The following GTPBP1 variants were observed in gnomAD, a reference collection of about 807,000 sequenced individuals.
The protein encoded by GTPBP1 is GTP binding protein 1, also known as GTP-binding protein 1.
Under a neutral mutation model 62.0 loss-of-function variants are expected in GTPBP1, and 23 were observed. The ratio of observed to expected loss-of-function variants is 0.37; its 90% confidence interval spans 0.27 to 0.53. The LOEUF (loss-of-function observed/expected upper bound fraction) is 0.53. GTPBP1 is among the 20% of genes least tolerant of loss of function. GTPBP1 has a pLI of 0.89. For synonymous variants in GTPBP1, 344 were observed against 364.4 expected (o/e 0.94, Z 0.64); for missense variants, 640 against 917.3 (o/e 0.70, Z 3.90).
downstream of GTPBP1, chr22:38,736,051 C>T: frequency 1.6e-6 from 1 of 609,858 alleles, no homozygotes; most frequent in Non-Finnish European, 3.0e-6. Flanking sequence ...ACGCCACGGG[C>T]ACAGAGGGAA....
downstream of GTPBP1, chr22:38,741,045 G>C: frequency 6.3e-7 from 1 of 1,596,946 alleles, no homozygotes; most frequent in Non-Finnish European, 8.5e-7. Flanking sequence ...TGCGAGCCTC[G>C]GACTCCTGTG....
Position 38,706,132 on chromosome 22 carries a change from G to A in GTPBP1, c.177G>A (p.Leu59=), listed in dbSNP as rs1465389933. 7.8e-7 allele frequency: 1 copy of A among 1,274,586 alleles called. No individual in the cohort carries two copies. Among genetic ancestry groups the A allele is most frequent in the South Asian group, 2.4e-5 (1 of 40,920 alleles). The allele number at this position is 1,274,586 out of a possible 1,614,324, so 79.0% of individuals were successfully genotyped here. ...AGGCGCTCAACGGCGAGCCAGAGCTGGACCTCACCAGCAAGGTAGGCCCGG... is the reference window on the plus strand; with the variant it reads ...AGGCGCTCAACGGCGAGCCAGAGCTAGACCTCACCAGCAAGGTAGGCCCGG... ...DGEALNGEPE[L]DLTSKLVLVS... is the part of the protein sequence containing the mutation. Residue 59 remains leucine, a synonymous_variant, in exon 1 of 12, where the codon CTG becomes CTA. Transcript: ENST00000216044.
At position 38,715,084 on chromosome 22, in the gene GTPBP1, G is replaced by A. The variant is rs542550141; in HGVS notation, c.305-823G>A. 7.9e-5 allele frequency among the ~76,000 whole-genome samples: 12 copies of A among 152,062 alleles called. No individual in the cohort carries two copies. In the East Asian group the frequency reaches 1.2e-3, roughly 15 times the overall value. ...CCCCATTTTCCTCCATCTTTCTGTC[G>A]TCATTATCTCTTGCCTGCATTATTA... On this transcript the variant is annotated intron_variant, in intron 2 of 11. Coordinates refer to ENST00000216044, the MANE Select transcript of GTPBP1 (RefSeq NM_004286.5).
chr22:38,705,972 G>T lies in GTPBP1; in HGVS notation c.17G>T (p.Ser6Ile), dbSNP rs1397373317. 3 of 1,446,850 alleles carry T rather than the reference G, an allele frequency of 2.1e-6. No individual in the cohort carries two copies. Among genetic ancestry groups the T allele is most frequent in the Non-Finnish European group, 2.7e-6 (3 of 1,097,068 alleles). The allele number at this position is 1,446,850 out of a possible 1,614,324, so 89.6% of individuals were successfully genotyped here. ...TTATTAAAGATGGCGACGGAGCGCAGTCGCTCCGCGATGGACTCGCCGGTC... is the reference window on the plus strand; with the variant it reads ...TTATTAAAGATGGCGACGGAGCGCATTCGCTCCGCGATGGACTCGCCGGTC... MATER[S>I]RSAMDSPVPA... Residue 6 changes from serine (S) to isoleucine (I), a missense_variant, in exon 1 of 12, where the codon AGT (serine) becomes ATT (isoleucine). By Grantham distance (142) the Ser-to-Ile change is moderately radical. Transcript: ENST00000216044.
downstream of GTPBP1, chr22:38,739,712 TG>T: frequency 6.2e-7 from 1 of 1,612,258 alleles, no homozygotes; most frequent in Non-Finnish European, 8.5e-7. This position sits in a 1 kb window ranked among gnomAD's most constrained non-coding sequence, Gnocchi z 6.7. Flanking sequence ...GAGGGGCATG[TG>T]GGCCTCACCT....
At chr22:38,723,863 A>T (rs747640598) in intron 5 of GTPBP1, among the ~76,000 whole-genome samples, 3 of 152,252 alleles carry the variant, frequency 2.0e-5, no homozygotes, top group African/African-American at 4.8e-5. Flanking sequence ...ATTGTAGAAA[A>T]GTATCCCTTT....
Position 38,730,750 on chromosome 22 carries a change from G to T in GTPBP1, c.*46G>T. On this transcript the variant is annotated 3_prime_UTR_variant, in exon 12 of 12. Coordinates refer to ENST00000216044, the MANE Select transcript of GTPBP1 (RefSeq NM_004286.5). The surrounding 1 kb of genome is among the most constrained non-coding windows in gnomAD (Gnocchi z 5.6). ...CACCACCCAAGGGGTCATCATCTCT[G>T]GCCACCACTCCACCAGATGGGCAGA... is the stretch of plus-strand genomic sequence containing the variant. The T allele has an allele frequency of 9.6e-7, 1 of 1,042,180 alleles. No homozygotes were observed. The highest frequency in any genetic ancestry group is 1.5e-5 in the South Asian group (1 of 66,908). The allele number at this position is 1,042,180 out of a possible 1,614,324, so 64.6% of individuals were successfully genotyped here.
Position 38,716,324 on chromosome 22 carries a change from T to C in GTPBP1, c.485+237T>C. On this transcript the variant is annotated intron_variant, in intron 3 of 11. Transcript: ENST00000216044. This position sits in a 1 kb window ranked among gnomAD's most constrained non-coding sequence, Gnocchi z 5.2. ...CCATTCTCTGTGGGTGTGTTTCTTT[T>C]CCCTTCAGCCTGTGAGCCTGGAAAC... The C allele has an allele frequency of 8.5e-6, 5 of 585,834 alleles. No individual in the cohort carries two copies. The South Asian group carries it at 1.1e-4, about 12-fold the overall frequency. 36.3% of individuals were successfully genotyped at this position (585,834 alleles called of 1,614,324 possible). A position where few individuals can be genotyped will look rare whatever the true frequency, so the allele number is the denominator to read the frequency against.
downstream of GTPBP1, chr22:38,740,988 A>T: frequency 6.3e-7 from 1 of 1,584,964 alleles, no homozygotes; most frequent in Non-Finnish European, 8.6e-7. The surrounding 1 kb of genome is among the most constrained non-coding windows in gnomAD (Gnocchi z 4.8). Flanking sequence ...GGCCGAGGCC[A>T]GCTGGTGGCG....
chr22:38,715,901 C>T lies in GTPBP1; in HGVS notation c.305-6C>T. The T allele has an allele frequency of 1.3e-6, 2 of 1,599,356 alleles. No individual in the cohort carries two copies. The highest frequency in any genetic ancestry group is 1.7e-6 in the Non-Finnish European group (2 of 1,172,492). On this transcript the variant is annotated splice_region_variant and splice_polypyrimidine_tract_variant and intron_variant, in intron 2 of 11. Coordinates refer to ENST00000216044, the MANE Select transcript of GTPBP1 (RefSeq NM_004286.5). Reference sequence around the variant, plus strand: ...CTCCTGCTGATGTCTGGGCTCTTGTCACCAGATGGGACTGAGTATGGGCTG... The same window carrying T: ...CTCCTGCTGATGTCTGGGCTCTTGTTACCAGATGGGACTGAGTATGGGCTG...
At position 38,716,069 on chromosome 22, in the gene GTPBP1, A is replaced by G. The variant is rs759283436; in HGVS notation, c.467A>G (p.Asn156Ser). The change falls in exon 3 of 12, where the codon AAT (asparagine) becomes AGT (serine). Residue 156 changes from asparagine to serine, a missense_variant. Physicochemically the swap from Asn to Ser is conservative, Grantham distance 46 (BLOSUM62 1). Transcript: ENST00000216044. The surrounding 1 kb of genome is among the most constrained non-coding windows in gnomAD (Gnocchi z 5.2). ...DYLVRKRVGD[N>S]DFLEVRVAVV... ...CTGGTCCGGAAACGAGTAGGAGACA[A>G]TGACTTCCTGGAGGTCAGGTGAGGA... The G allele has an allele frequency of 6.2e-6, 10 of 1,602,798 alleles. No individual in the cohort carries two copies. Among genetic ancestry groups the G allele is most frequent in the South Asian group, 1.1e-5 (1 of 90,070 alleles).
intron 5 of GTPBP1, among the ~76,000 whole-genome samples, chr22:38,722,171 T>A (rs906190188): frequency 3.3e-5 from 5 of 152,148 alleles, no homozygotes; most frequent in African/African-American, 7.2e-5. Flanking sequence ...ATAAGTAAAA[T>A]GACTAGGTAA....
chr22:38,719,857 T>C (rs1334276288), intron 4 of GTPBP1, among the ~76,000 whole-genome samples: 2 of 152,032 alleles, frequency 1.3e-5, no homozygotes, highest in Non-Finnish European at 2.9e-5. Flanking sequence ...TTCCCAAATA[T>C]CTTTCAGCTG....
chr22:38,717,146 C>T, intron 4 of GTPBP1, 146 bp downstream of exon 4: 1 of 607,924 alleles, frequency 1.6e-6, no homozygotes, highest in South Asian at 1.9e-5. Flanking sequence ...GCAGGGGTGC[C>T]CAGTCCTCTG....
At chr22:38,707,244 A>C (rs1053620980) in intron 1 of GTPBP1, among the ~76,000 whole-genome samples, 15 of 152,254 alleles carry the variant, frequency 9.9e-5, no homozygotes, top group African/African-American at 3.6e-4. Flanking sequence ...CAATACCACC[A>C]CTTACATTTG....
downstream of GTPBP1, chr22:38,740,063 A>T: frequency 7.8e-7 from 1 of 1,280,314 alleles, no homozygotes; most frequent in South Asian, 1.4e-5. This position sits in a 1 kb window ranked among gnomAD's most constrained non-coding sequence, Gnocchi z 4.8. Flanking sequence ...CACTGGAGGA[A>T]AGAGTTATGA....
At chr22:38,739,167 G>T, downstream of GTPBP1, 1 of 895,762 alleles carries the variant, frequency 1.1e-6, no homozygotes, top group Non-Finnish European at 1.8e-6. This position sits in a 1 kb window ranked among gnomAD's most constrained non-coding sequence, Gnocchi z 6.7. Context: ...GATGGTACTC[G>T]GTACGTCCTG....
At chr22:38,720,217 C>T (rs1470050237) in intron 4 of GTPBP1, among the ~76,000 whole-genome samples, 6 of 150,854 alleles carry the variant, frequency 4.0e-5, no homozygotes, top group Non-Finnish European at 5.9e-5. Context: ...TGTGAGCCAC[C>T]GCGCCTGGCC....
intron 1 of GTPBP1, among the ~76,000 whole-genome samples, chr22:38,708,163 A>G (rs5750672): frequency 0.29 from 44,609 of 152,120 alleles, 6,641 homozygotes; most frequent in East Asian, 0.36. Flanking sequence ...GAGTGGTTAA[A>G]TTCTTTGTCC....
Sources: gnomAD v4.1 joint callset for allele counts (sites outside exome capture counted in the v4.1 genomes callset) on GRCh38, gnomAD v4.1.1 for gene constraint, Gnocchi (gnomAD v3.1) non-coding constraint, MANE v1.5 for transcripts, NCBI Gene and HGNC (gene_info 2026-07-23, HGNC 2026-07-21) for gene names.